The following PTPRD variants were observed in gnomAD, a reference collection of about 807,000 sequenced individuals.
PTPRD encodes the protein receptor-type tyrosine-protein phosphatase delta.
Under a neutral mutation model 214.5 loss-of-function variants are expected in PTPRD, and 34 were observed. The observed-to-expected ratio is 0.16, with a 90% CI of 0.12 to 0.21. The LOEUF (loss-of-function observed/expected upper bound fraction) is 0.21, where lower values mean the gene tolerates loss of function less well. Among genes scored for constraint, PTPRD ranks in the 10% least tolerant of loss-of-function variants. PTPRD has a pLI of 1.00. For missense variants in PTPRD, 2,545 were observed against 2,398.7 expected (o/e 1.06, Z -1.27); for synonymous variants, 1,128 against 845.7 (o/e 1.33, Z -5.79).
At chr9:10,022,912 C>T (rs1353922388) in intron 4 of PTPRD, among the ~76,000 whole-genome samples, 2 of 152,112 alleles carry the variant, frequency 1.3e-5, no homozygotes, top group East Asian at 1.9e-4. Context: ...ATGTTTTATG[C>T]CTCAGTATTT....
chr9:9,174,081 T>C (rs2099923137), intron 10 of PTPRD, among the ~76,000 whole-genome samples: 1 of 152,056 alleles, frequency 6.6e-6, no homozygotes, highest in Non-Finnish European at 1.5e-5. Flanking sequence ...GTATATTGCA[T>C]GAAAAAATAG....
chr9:10,305,008 A>G lies in PTPRD; in HGVS notation c.-545+35955T>C, dbSNP rs2096010231. ...GCATCACACTACCTGACTTCAAACT[A>G]TACTACAAGGCTACATCAAAACAGC... On this transcript the variant is annotated intron_variant, in intron 3 of 45. Coordinates refer to ENST00000381196, the MANE Select transcript of PTPRD (RefSeq NM_002839.4). Among the ~76,000 whole-genome samples the G allele has an allele frequency of 1.3e-5, 2 of 152,166 alleles. 1 individual carries two copies. The highest frequency in any genetic ancestry group is 4.1e-4 in the South Asian group (2 of 4,832).
chr9:9,946,694 G>A (rs1015218887), intron 4 of PTPRD, among the ~76,000 whole-genome samples: 1 of 152,020 alleles, frequency 6.6e-6, no homozygotes, highest in African/African-American at 2.4e-5. Context: ...AGGAAAAACT[G>A]GGAACTATCT....
intron 12 of PTPRD, among the ~76,000 whole-genome samples, chr9:8,643,398 G>T (rs1031301766): frequency 6.6e-6 from 1 of 152,014 alleles, no homozygotes; most frequent in Non-Finnish European, 1.5e-5. Context: ...AGGAAGGAAG[G>T]AAAATATATG....
At chr9:8,833,266 G>A (rs1292559676) in intron 11 of PTPRD, among the ~76,000 whole-genome samples, 1 of 152,076 alleles carries the variant, frequency 6.6e-6, no homozygotes, top group Non-Finnish European at 1.5e-5. Context: ...TTCCCAAGAG[G>A]TTATTAGCAT....
At chr9:9,800,494 GATTAA>G (rs368900620) in intron 5 of PTPRD, 5 of 152,256 alleles carry the variant, frequency 3.3e-5, no homozygotes, top group African/African-American at 1.2e-4. Context: ...ACGGCCAATT[GATTAA>G]ATGATTTTAA....
chr9:9,913,338 T>C (rs1412912439), intron 5 of PTPRD, among the ~76,000 whole-genome samples: 1 of 151,946 alleles, frequency 6.6e-6, no homozygotes, highest in Non-Finnish European at 1.5e-5. Flanking sequence ...AGTAAAAGAA[T>C]AGTGATAAAT....
chr9:8,863,732 A>G (rs2098146604), intron 11 of PTPRD, among the ~76,000 whole-genome samples: 1 of 152,200 alleles, frequency 6.6e-6, no homozygotes, highest in Non-Finnish European at 1.5e-5. Context: ...TATATGAGGT[A>G]TAAACACATT....
chr9:9,350,302 C>T (rs1340928997), intron 9 of PTPRD, among the ~76,000 whole-genome samples: 2 of 152,212 alleles, frequency 1.3e-5, no homozygotes, highest in East Asian at 3.9e-4. Context: ...AGCAGCCTAA[C>T]TCTTATAGGT....
intron 14 of PTPRD, among the ~76,000 whole-genome samples, chr9:8,601,284 G>A (rs902034633): frequency 6.6e-6 from 1 of 152,172 alleles, no homozygotes. Context: ...GCTCCCAGAT[G>A]GCATCTCTGA....
chr9:10,085,964 T>G (rs2098330925), intron 3 of PTPRD, among the ~76,000 whole-genome samples: 1 of 151,734 alleles, frequency 6.6e-6, no homozygotes, highest in Admixed American at 6.6e-5. Context: ...AAAAACAACA[T>G]AAAATCCTAG....
At chr9:10,553,146 C>T (rs2061716196) in intron 2 of PTPRD, among the ~76,000 whole-genome samples, 1 of 152,144 alleles carries the variant, frequency 6.6e-6, no homozygotes, top group African/African-American at 2.4e-5. Flanking sequence ...TCCTGTCCAT[C>T]CAGCCTAAGG....
intron 19 of PTPRD, among the ~76,000 whole-genome samples, chr9:8,522,499 A>G (rs540463373): frequency 1.3e-5 from 2 of 152,354 alleles, no homozygotes; most frequent in South Asian, 4.1e-4. Flanking sequence ...GTAAAACAAC[A>G]TAAATGACAA....
intron 11 of PTPRD, among the ~76,000 whole-genome samples, chr9:9,003,965 C>T (rs75624197): frequency 6.6e-6 from 1 of 152,008 alleles, no homozygotes; most frequent in African/African-American, 2.4e-5. Flanking sequence ...CCTAAACGAA[C>T]TCAATCTCTG....
At chr9:9,228,587 T>A (rs963049456) in intron 9 of PTPRD, among the ~76,000 whole-genome samples, 5 of 152,032 alleles carry the variant, frequency 3.3e-5, no homozygotes, top group African/African-American at 1.2e-4. Flanking sequence ...GGTAAACAGG[T>A]TTAAATCTCA....
chr9:8,743,115 G>GGC (rs2092299217), intron 11 of PTPRD, among the ~76,000 whole-genome samples: 1 of 26,214 alleles, frequency 3.8e-5, no homozygotes, highest in Admixed American at 5.4e-4. Context: ...AAAAAAAAAA[G>GGC]GGGGGGGGGA....
chr9:10,204,083 C>G (rs2099451481), intron 3 of PTPRD, among the ~76,000 whole-genome samples: 2 of 152,160 alleles, frequency 1.3e-5, no homozygotes, highest in Non-Finnish European at 2.9e-5. Flanking sequence ...GCCATTGCTG[C>G]TAAATCTCTG....
At chr9:9,182,303 C>G (rs923440889) in intron 10 of PTPRD, among the ~76,000 whole-genome samples, 1 of 151,830 alleles carries the variant, frequency 6.6e-6, no homozygotes, top group African/African-American at 2.4e-5. Flanking sequence ...TACATCAACC[C>G]CAAAATAAGA....
At chr9:10,112,219 G>A (rs988182745) in intron 3 of PTPRD, among the ~76,000 whole-genome samples, 3 of 152,162 alleles carry the variant, frequency 2.0e-5, no homozygotes, top group Non-Finnish European at 2.9e-5. Flanking sequence ...ACCAGAAGCC[G>A]ACTAGCCAGG....
Sources: gnomAD v4.1 joint callset for allele counts (sites outside exome capture counted in the v4.1 genomes callset) on GRCh38, gnomAD v4.1.1 for gene constraint, MANE v1.5 for transcripts, NCBI Gene and HGNC (gene_info 2026-07-23, HGNC 2026-07-21) for gene names.